The following SORCS2 variants were observed in gnomAD, a reference collection of about 807,000 sequenced individuals.
SORCS2 encodes the protein sortilin related VPS10 domain containing receptor 2, also known as VPS10 domain-containing receptor SorCS2.
A neutral mutation model predicts 141.6 loss-of-function variants in SORCS2; 100 were observed. That is an observed-to-expected ratio of 0.71 (90% CI 0.60 to 0.83). SORCS2 has a LOEUF of 0.83. Among genes scored for constraint, SORCS2 ranks in the 40% least tolerant of loss-of-function variants. SORCS2 has a pLI of 0.00. For missense variants in SORCS2, 1,646 were observed against 1,560.2 expected (o/e 1.05, Z -0.93); for synonymous variants, 789 against 676.9 (o/e 1.17, Z -2.57).
At chr4:7,475,716 A>G (rs1185885978) in intron 2 of SORCS2, among the ~76,000 whole-genome samples, 9 of 142,694 alleles carry the variant, frequency 6.3e-5, no homozygotes, top group African/African-American at 2.1e-4. Flanking sequence ...CAACACACAT[A>G]CACACACATG....
chr4:7,276,998 G>A (rs990773804), intron 1 of SORCS2, among the ~76,000 whole-genome samples: 2 of 152,174 alleles, frequency 1.3e-5, no homozygotes, highest in African/African-American at 4.8e-5. Context: ...CCCTGTAGCT[G>A]TTTCCTGCTT....
chr4:7,433,549 T>G (rs1727042194), intron 2 of SORCS2: 1 of 1,610,992 alleles, frequency 6.2e-7, no homozygotes, highest in East Asian at 2.2e-5. Context: ...GGGCTCGTAC[T>G]GGGTGACGAA....
At position 7,313,076 on chromosome 4, in the gene SORCS2, G is replaced by A. The variant is rs376994722; in HGVS notation, c.481-83212G>A. 5.3e-5 allele frequency among the ~76,000 whole-genome samples: 8 copies of A among 152,364 alleles called. No individual in the cohort carries two copies. In the East Asian group the frequency reaches 9.7e-4, roughly 18 times the overall value. Reference sequence around the variant, plus strand: ...CCCTGAGAGTCAGCCTGTGTATATGGATTCCCTGCTGTGCTCATGGCCCAG... The same window carrying A: ...CCCTGAGAGTCAGCCTGTGTATATGAATTCCCTGCTGTGCTCATGGCCCAG... On this transcript the variant is annotated intron_variant, in intron 1 of 26. Transcript: ENST00000507866.
intron 2 of SORCS2, among the ~76,000 whole-genome samples, chr4:7,452,806 A>ATGTTGGGGTCAGGCTCCG (rs1560296612): frequency 1.3e-5 from 2 of 149,918 alleles, no homozygotes; most frequent in Non-Finnish European, 3.0e-5. Flanking sequence ...GTCAGGCGCC[A>ATGTTGGGGTCAGGCTCCG]TGTTGGGGTC....
chr4:7,590,674 T>G (rs962044752), intron 3 of SORCS2, among the ~76,000 whole-genome samples: 2 of 152,222 alleles, frequency 1.3e-5, no homozygotes, highest in African/African-American at 4.8e-5. Context: ...TAATAGGGAA[T>G]GGGGCTGGGC....
At chr4:7,470,961 GA>G (rs33933409) in intron 2 of SORCS2, among the ~76,000 whole-genome samples, 144,923 of 152,188 alleles carry the variant, frequency 0.95, 69,134 homozygotes, top group East Asian at 0.99. Context: ...GTAGTGACAA[GA>G]AGGTGCCATG....
chr4:7,697,799 G>C (rs188588758), intron 12 of SORCS2, among the ~76,000 whole-genome samples: 4 of 152,182 alleles, frequency 2.6e-5, no homozygotes, highest in Admixed American at 6.5e-5. Context: ...TGTGAGTCTG[G>C]GTTGGGGTGT....
At chr4:7,197,035 C>A (rs1052049353) in intron 1 of SORCS2, among the ~76,000 whole-genome samples, 7 of 152,182 alleles carry the variant, frequency 4.6e-5, no homozygotes, top group Non-Finnish European at 8.8e-5. Flanking sequence ...GCTGAAGCAA[C>A]AGAAATGTAT....
intron 3 of SORCS2, among the ~76,000 whole-genome samples, chr4:7,537,358 A>G (rs1712217840): frequency 6.6e-6 from 1 of 152,230 alleles, no homozygotes; most frequent in African/African-American, 2.4e-5. Context: ...GCCTGTGGGC[A>G]GATCCTGACT....
intron 1 of SORCS2, among the ~76,000 whole-genome samples, chr4:7,347,291 T>C (rs1370257350): frequency 2.6e-5 from 4 of 152,242 alleles, no homozygotes; most frequent in Admixed American, 2.6e-4. Context: ...TATGTTGTTA[T>C]TGTCCACCTG....
At chr4:7,457,646 G>A (rs1376760553) in intron 2 of SORCS2, among the ~76,000 whole-genome samples, 1 of 151,076 alleles carries the variant, frequency 6.6e-6, no homozygotes, top group African/African-American at 2.4e-5. Context: ...ATAAGCCGTG[G>A]CCAGAGGGCC....
intron 1 of SORCS2, among the ~76,000 whole-genome samples, chr4:7,361,691 C>T (rs956956304): frequency 1.3e-5 from 2 of 150,804 alleles, no homozygotes; most frequent in Admixed American, 1.3e-4. Flanking sequence ...GGTGTGGGGG[C>T]CCGGGGAAGG....
At chr4:7,290,092 G>C (rs1218671051) in intron 1 of SORCS2, among the ~76,000 whole-genome samples, 1 of 152,182 alleles carries the variant, frequency 6.6e-6, no homozygotes, top group Non-Finnish European at 1.5e-5. Flanking sequence ...ATATGGGGGA[G>C]ACTGCAAGTA....
chr4:7,631,514 A>G (rs1719893654), intron 3 of SORCS2, among the ~76,000 whole-genome samples: 1 of 151,994 alleles, frequency 6.6e-6, no homozygotes, highest in Non-Finnish European at 1.5e-5. Context: ...TCATCTGCAG[A>G]AATGCTCCTG....
intron 2 of SORCS2, among the ~76,000 whole-genome samples, chr4:7,505,278 G>T (rs904028957): frequency 6.6e-6 from 1 of 152,198 alleles, no homozygotes; most frequent in Non-Finnish European, 1.5e-5. Context: ...TGGGGCAGCT[G>T]GGGCTTCCAC....
At chr4:7,330,594 G>A (rs755218023) in intron 1 of SORCS2, among the ~76,000 whole-genome samples, 5 of 151,632 alleles carry the variant, frequency 3.3e-5, no homozygotes, top group South Asian at 4.2e-4. Context: ...GGCACCTCTG[G>A]AATTTAGAAA....
chr4:7,736,000 C>T (rs1382986403), intron 25 of SORCS2, among the ~76,000 whole-genome samples: 1 of 152,250 alleles, frequency 6.6e-6, no homozygotes, highest in East Asian at 1.9e-4. Flanking sequence ...GCTGTGACTC[C>T]AGTCTCTGGG....
At chr4:7,620,026 TCCTCCTCCTTCCTC>T (rs1719053989) in intron 3 of SORCS2, among the ~76,000 whole-genome samples, 1 of 149,930 alleles carries the variant, frequency 6.7e-6, no homozygotes, top group African/African-American at 2.5e-5. Flanking sequence ...TCCTTCCTCC[TCCTCCTCCTTCCTC>T]CTCCTCCTCC....
chr4:7,542,961 C>T (rs1002245514), intron 3 of SORCS2, among the ~76,000 whole-genome samples: 3 of 152,238 alleles, frequency 2.0e-5, no homozygotes, highest in Admixed American at 1.3e-4. Flanking sequence ...CAGTGACCCA[C>T]AGGGCCAGGC....
Sources: gnomAD v4.1 joint callset for allele counts (sites outside exome capture counted in the v4.1 genomes callset) on GRCh38, gnomAD v4.1.1 for gene constraint, MANE v1.5 for transcripts, NCBI Gene and HGNC (gene_info 2026-07-23, HGNC 2026-07-21) for gene names.